Variants in ITGAE observed in about 807,000 individuals in gnomAD.
ITGAE encodes integrin alpha-E.
ITGAE carries 99 observed loss-of-function variants against 136.5 expected under a neutral mutation model. The observed-to-expected ratio is 0.73, with a 90% CI of 0.62 to 0.86. The LOEUF (loss-of-function observed/expected upper bound fraction) is 0.86. ITGAE is among the 40% of genes least tolerant of loss of function. ITGAE has a pLI of 0.00. For synonymous variants in ITGAE, 613 were observed against 591.8 expected (o/e 1.04, Z -0.52); for missense variants, 1,447 against 1,515.3 (o/e 0.95, Z 0.75).
At chr17:3,741,300 G>A (rs2051583728) in intron 19 of ITGAE, among the ~76,000 whole-genome samples, 3 of 150,976 alleles carry the variant, frequency 2.0e-5, no homozygotes, top group Non-Finnish European at 4.4e-5. Context: ...TGTTAGCCAG[G>A]ATGGTCTCGA....
At chr17:3,751,986 A>C (rs2051882549) in intron 14 of ITGAE, 112 bp from the exon 15 acceptor site, 2 of 891,304 alleles carry the variant, frequency 2.2e-6, no homozygotes, top group African/African-American at 3.3e-5. Context: ...ATTGCCACCC[A>C]GGATGCACGC....
At chr17:3,725,375 C>T in intron 26 of ITGAE, 2 of 1,614,174 alleles carry the variant, frequency 1.2e-6, no homozygotes, top group Non-Finnish European at 1.7e-6. Context: ...ATTGCCTTCC[C>T]ACAGAAAAAC....
intron 1 of ITGAE, among the ~76,000 whole-genome samples, chr17:3,792,600 G>A (rs1437871201): frequency 6.6e-6 from 1 of 152,200 alleles, no homozygotes; most frequent in Non-Finnish European, 1.5e-5. Context: ...CCAGGAAGGA[G>A]GCCAACAGCT....
rs868747970 is a variant in ITGAE at position 3,754,018 on chromosome 17, T to C, written c.1385-93A>G. 2.0e-5 allele frequency: 29 copies of C among 1,480,828 alleles called. No homozygotes were observed. In the Middle Eastern group the frequency reaches 8.5e-4, roughly 43 times the overall value. The allele number at this position is 1,480,828 out of a possible 1,614,324, so 91.7% of individuals were successfully genotyped here. On this transcript the variant is annotated intron_variant, in intron 12 of 30. Coordinates refer to ENST00000263087, the MANE Select transcript of ITGAE (RefSeq NM_002208.5). ...CACCTTCCCAGTCAGGCCTTCAAAG[T>C]GGCCTGGGGAGGGGGGCAAAATAGG...
chr17:3,793,053 CTTTT>C lies in ITGAE; in HGVS notation c.34+8054_34+8057del, dbSNP rs1195539580. On this transcript the variant is annotated intron_variant, in intron 1 of 30. Transcript: ENST00000263087. ...AATGGATCCCTTTGAGAATCTTTTTCTTTTTTCTTTTTTTTTTAGACAGAGTCTC... is the reference window on the plus strand; with the variant it reads ...AATGGATCCCTTTGAGAATCTTTTTCTTCTTTTTTTTTTAGACAGAGTCTC... Among the ~76,000 whole-genome samples the C allele has an allele frequency of 3.3e-5, 5 of 151,940 alleles. No homozygotes were observed. In the East Asian group the frequency reaches 9.7e-4, roughly 29 times the overall value.
rs116835181 is a variant in ITGAE, at chr17:3,794,646, C to T, written c.34+6465G>A. Among the ~76,000 whole-genome samples, 307 of 152,296 alleles carry T rather than the reference C, an allele frequency of 2.0e-3. 2 individuals carry two copies. Among genetic ancestry groups the T allele is most frequent in the African/African-American group, 7.0e-3 (291 of 41,564 alleles). ...CCGTACTGTTCCCGCTGCTCCCCCA[C>T]GAATCCAGAACTGAGATAAAGGACG... On this transcript the variant is annotated intron_variant, in intron 1 of 30. Coordinates refer to ENST00000263087, the MANE Select transcript of ITGAE (RefSeq NM_002208.5).
At chr17:3,775,866 C>T (rs376910325) in intron 2 of ITGAE, among the ~76,000 whole-genome samples, 4 of 151,954 alleles carry the variant, frequency 2.6e-5, no homozygotes, top group African/African-American at 4.8e-5. Flanking sequence ...TTACCAGATA[C>T]GGCAAAATTG....
chr17:3,760,151 C>G lies in ITGAE; in HGVS notation c.714+21G>C, dbSNP rs747507509. The stretch of plus-strand genomic sequence containing the variant: ...ATTCTCAGCAATAGATAAGTGTTAA[C>G]CAGCTCTTAGGGAAGCCCACCTCAA... On this transcript the variant is annotated intron_variant, in intron 7 of 30. Coordinates refer to ENST00000263087, the MANE Select transcript of ITGAE (RefSeq NM_002208.5). 3 of 1,401,200 alleles carry G rather than the reference C, an allele frequency of 2.1e-6. No homozygotes were observed. In the Admixed American group the frequency reaches 5.0e-5, roughly 24 times the overall value. 86.8% of individuals were successfully genotyped at this position (1,401,200 alleles called of 1,614,324 possible).
At chr17:3,784,800 T>A (rs1345519751) in intron 1 of ITGAE, among the ~76,000 whole-genome samples, 19 of 152,188 alleles carry the variant, frequency 1.2e-4, no homozygotes, top group Non-Finnish European at 1.5e-5. Flanking sequence ...ACTCAGAATA[T>A]GTTCTCTGAC....
chr17:3,722,479 T>TAAAAAAAAAAAAAA (rs1161669258), intron 28 of ITGAE: 1 of 106,862 alleles, frequency 9.4e-6, no homozygotes. Context: ...AGACTCCATC[T>TAAAAAAAAAAAAAA]AAAAAAAAAA....
At chr17:3,742,375 A>G (rs1181779958) in intron 19 of ITGAE, among the ~76,000 whole-genome samples, 2 of 152,160 alleles carry the variant, frequency 1.3e-5, no homozygotes, top group East Asian at 3.8e-4. Context: ...TATTTTATCA[A>G]TGTGAATTTC....
intron 26 of ITGAE, chr17:3,725,032 C>G: frequency 6.2e-7 from 1 of 1,614,210 alleles, no homozygotes; most frequent in Non-Finnish European, 8.5e-7. Flanking sequence ...GGAAAAGATT[C>G]GTTCCCCACC....
intron 3 of ITGAE, among the ~76,000 whole-genome samples, chr17:3,762,671 C>T (rs964267022): frequency 6.8e-6 from 1 of 147,102 alleles, no homozygotes. Context: ...AATCTCGGCT[C>T]ACTGCAAGCT....
chr17:3,800,574 C>T (rs1191169951), intron 1 of ITGAE, among the ~76,000 whole-genome samples: 1 of 152,114 alleles, frequency 6.6e-6, no homozygotes, highest in African/African-American at 2.4e-5. Context: ...CCTCCCCCCA[C>T]CCCACATTCC....
At chr17:3,775,408 G>C (rs915447993) in intron 2 of ITGAE, among the ~76,000 whole-genome samples, 1 of 152,096 alleles carries the variant, frequency 6.6e-6, no homozygotes, top group Admixed American at 6.6e-5. Flanking sequence ...TTCCTAAGAG[G>C]AATATTGCCA....
At chr17:3,722,031 T>G (rs562071351) in intron 28 of ITGAE, among the ~76,000 whole-genome samples, 2 of 151,574 alleles carry the variant, frequency 1.3e-5, no homozygotes, top group Admixed American at 6.6e-5. Flanking sequence ...AATACAAAAT[T>G]AGCCGGGTAT....
intron 20 of ITGAE, among the ~76,000 whole-genome samples, chr17:3,735,381 G>T (rs577844609): frequency 6.6e-6 from 1 of 152,196 alleles, no homozygotes; most frequent in Non-Finnish European, 1.5e-5. Context: ...TGGTCAGGCT[G>T]GTCTCGAACT....
At chr17:3,789,924 C>T (rs1420272311) in intron 1 of ITGAE, among the ~76,000 whole-genome samples, 3 of 151,974 alleles carry the variant, frequency 2.0e-5, no homozygotes, top group Admixed American at 6.6e-5. Flanking sequence ...TTTTGTGAGC[C>T]CTAATGAAAT....
rs1334441688 is a variant in ITGAE at position 3,753,828 on chromosome 17, C to T, written c.1482G>A (p.Lys494=). Residue 494 remains lysine (K), a synonymous_variant, in exon 13 of 31, where the codon AAG becomes AAA. Coordinates refer to ENST00000263087, the MANE Select transcript of ITGAE (RefSeq NM_002208.5). ...KHHGAVFELQ[K]EGREASFLPV... is the part of the protein sequence containing the mutation. The stretch of plus-strand genomic sequence containing the variant: ...GCAGGAAGCTGGCCTCTCTGCCCTC[C>T]TTCTGGAGCTCAAACACGGCCCCAT... 6.2e-7 allele frequency: 1 copy of T among 1,614,206 alleles called. No homozygotes were observed.
Sources: allele counts gnomAD v4.1 joint callset (sites outside exome capture counted in the v4.1 genomes callset), GRCh38; gene constraint gnomAD v4.1.1; transcripts MANE v1.5; gene names NCBI Gene and HGNC (gene_info 2026-07-23, HGNC 2026-07-21).